The following SAMSN1 variants were observed in gnomAD, a reference collection of about 807,000 sequenced individuals.
The protein encoded by SAMSN1 is SAM domain, SH3 domain and nuclear localization signals 1.
SAMSN1 carries 31 observed loss-of-function variants against 42.0 expected under a neutral mutation model. That is an observed-to-expected ratio of 0.74 (90% CI 0.55 to 1.00). SAMSN1 has a LOEUF of 1.00. SAMSN1 is among the 50% of genes least tolerant of loss of function. The pLI is 0.00. For synonymous variants in SAMSN1, 178 were observed against 151.9 expected, an observed-to-expected ratio of 1.17 and a Z score of -1.26; for missense variants, 464 against 439.4, an observed-to-expected ratio of 1.06 and a Z score of -0.50.
At chr21:14,516,710 T>A (rs879831279) in intron 3 of SAMSN1, among the ~76,000 whole-genome samples, 182 bp downstream of exon 3, 1 of 152,186 alleles carries the variant, frequency 6.6e-6, no homozygotes. Context: ...TCTTTCTGAG[T>A]GTCAGTTTCT....
chr21:14,583,401 C>T (rs2123251074), exon 1 of SAMSN1: 1 of 412,248 alleles, frequency 2.4e-6, no homozygotes, highest in African/African-American at 2.1e-5. Flanking sequence ...TGCTGAGCTT[C>T]CTCCATTGCT....
chr21:14,490,173 A>G (rs1045977872), intron 7 of SAMSN1, among the ~76,000 whole-genome samples: 2 of 152,188 alleles, frequency 1.3e-5, no homozygotes, highest in Non-Finnish European at 2.9e-5. Context: ...AAATAATACA[A>G]CCTTAAAGGC....
At chr21:14,525,122 T>C (rs1276157416) in intron 1 of SAMSN1, among the ~76,000 whole-genome samples, 1 of 152,162 alleles carries the variant, frequency 6.6e-6, no homozygotes, top group African/African-American at 2.4e-5. Flanking sequence ...AATAATAAGA[T>C]TACCATTTTG....
intron 2 of SAMSN1, among the ~76,000 whole-genome samples, chr21:14,573,449 T>C (rs181481465): frequency 2.0e-5 from 3 of 152,262 alleles, no homozygotes; most frequent in Admixed American, 1.3e-4. Flanking sequence ...ACTTACATTG[T>C]TTAAGTCATG....
chr21:14,600,159 G>T (rs1402826022), intron 6 of SAMSN1, among the ~76,000 whole-genome samples: 1 of 152,124 alleles, frequency 6.6e-6, no homozygotes, highest in African/African-American at 2.4e-5. Flanking sequence ...CAAGTTTCAT[G>T]CCATAGTCCA....
chr21:14,554,594 C>T (rs1266806794), intron 2 of SAMSN1, among the ~76,000 whole-genome samples: 1 of 151,688 alleles, frequency 6.6e-6, no homozygotes, highest in African/African-American at 2.4e-5. Flanking sequence ...TCTCTGGATA[C>T]ATTACTAAAG....
intron 1 of SAMSN1, among the ~76,000 whole-genome samples, chr21:14,533,783 G>A (rs997961355): frequency 2.6e-5 from 4 of 152,156 alleles, no homozygotes; most frequent in African/African-American, 9.7e-5. Context: ...CCCTACACAG[G>A]ACACCAGATC....
chr21:14,626,350 G>A (rs971977984), intron 2 of SAMSN1, among the ~76,000 whole-genome samples: 2 of 152,148 alleles, frequency 1.3e-5, no homozygotes, highest in African/African-American at 4.8e-5. Context: ...GCAACCTATA[G>A]AGTGGGAGAA....
At chr21:14,546,653 T>C (rs1319575103), upstream of SAMSN1, among the ~76,000 whole-genome samples, 1 of 135,720 alleles carries the variant, frequency 7.4e-6, no homozygotes, top group Non-Finnish European at 1.6e-5. Flanking sequence ...ACTTGAGATG[T>C]TGGTTTTCTA....
intron 3 of SAMSN1, among the ~76,000 whole-genome samples, chr21:14,515,164 T>C (rs925494048): frequency 1.6e-4 from 24 of 152,152 alleles, no homozygotes; most frequent in Admixed American, 2.6e-4. Flanking sequence ...AAAGTGACCA[T>C]TGGACCTGGC....
At chr21:14,609,285 C>T (rs1203950240) in intron 5 of SAMSN1, among the ~76,000 whole-genome samples, 1 of 151,944 alleles carries the variant, frequency 6.6e-6, no homozygotes, top group Non-Finnish European at 1.5e-5. Flanking sequence ...GATATATATA[C>T]ACATATATAT....
chr21:14,604,953 T>C (rs1982526519), intron 5 of SAMSN1, among the ~76,000 whole-genome samples: 1 of 152,222 alleles, frequency 6.6e-6, no homozygotes, highest in African/African-American at 2.4e-5. Context: ...TGTTCTTTTA[T>C]ACTACTAACT....
intron 2 of SAMSN1, among the ~76,000 whole-genome samples, chr21:14,616,737 G>T (rs1982846450): frequency 2.0e-5 from 3 of 152,144 alleles, no homozygotes; most frequent in African/African-American, 7.2e-5. Context: ...GTTCTGGAGA[G>T]GTTCATTTGT....
chr21:14,590,832 A>G (rs569486376), intron 7 of SAMSN1, among the ~76,000 whole-genome samples: 1 of 152,328 alleles, frequency 6.6e-6, no homozygotes, highest in South Asian at 2.1e-4. Context: ...TATAAAAGTG[A>G]CTAGTCTCTA....
At chr21:14,564,255 A>G (rs893954470) in intron 2 of SAMSN1, among the ~76,000 whole-genome samples, 2 of 152,190 alleles carry the variant, frequency 1.3e-5, no homozygotes, top group East Asian at 3.8e-4. Context: ...TATATGTTTT[A>G]AAGCCACCAT....
At chr21:14,528,551 G>C (rs1456738612) in intron 1 of SAMSN1, among the ~76,000 whole-genome samples, 2 of 152,112 alleles carry the variant, frequency 1.3e-5, no homozygotes, top group Non-Finnish European at 1.5e-5. Context: ...CAGCCCCATT[G>C]GAAAATGGTA....
At chr21:14,571,333 A>G (rs1345060033) in intron 2 of SAMSN1, among the ~76,000 whole-genome samples, 1 of 152,196 alleles carries the variant, frequency 6.6e-6, no homozygotes, top group African/African-American at 2.4e-5. Context: ...TGGATAAAAA[A>G]TCCTTTCTAT....
intron 1 of SAMSN1, among the ~76,000 whole-genome samples, chr21:14,542,592 A>G (rs2123149600): frequency 6.6e-6 from 1 of 152,356 alleles, no homozygotes; most frequent in Middle Eastern, 3.4e-3. Context: ...TGAATATTGT[A>G]TATGCTTAAA....
At chr21:14,611,994 A>G (rs577502664) in intron 4 of SAMSN1, among the ~76,000 whole-genome samples, 2 of 152,110 alleles carry the variant, frequency 1.3e-5, no homozygotes, top group Non-Finnish European at 2.9e-5. Flanking sequence ...CAGCACTTTG[A>G]GAGGTCGAGG....
Sources: allele counts gnomAD v4.1 joint callset (sites outside exome capture counted in the v4.1 genomes callset), GRCh38; gene constraint gnomAD v4.1.1; transcripts MANE v1.5; gene names NCBI Gene and HGNC (gene_info 2026-07-23, HGNC 2026-07-21).